MAP3K9: variants seen among roughly 807,000 people sequenced by gnomAD.
MAP3K9 encodes mixed lineage kinase 1 (tyr and ser/thr specificity).
MAP3K9 carries 46 observed loss-of-function variants against 95.8 expected under a neutral mutation model. That is an observed-to-expected ratio of 0.48 (90% CI 0.38 to 0.61). The LOEUF (loss-of-function observed/expected upper bound fraction) is 0.61. MAP3K9 is among the 20% of genes least tolerant of loss of function. The pLI is 0.00. For missense variants in MAP3K9, 1,296 were observed against 1,474.3 expected, an observed-to-expected ratio of 0.88 and a Z score of 1.98; for synonymous variants, 533 against 593.8, an observed-to-expected ratio of 0.90 and a Z score of 1.49.
At chr14:70,745,394 C>G (rs1391436508) in intron 5 of MAP3K9, among the ~76,000 whole-genome samples, 1 of 152,170 alleles carries the variant, frequency 6.6e-6, no homozygotes, top group Non-Finnish European at 1.5e-5. Flanking sequence ...TATAAACTCT[C>G]CATTCAGCTT....
At position 70,742,564 on chromosome 14, in the gene MAP3K9, T is replaced by A; in HGVS notation, c.1354A>T (p.Thr452Ser). 6.2e-7 allele frequency: 1 copy of A among 1,614,120 alleles called. No homozygotes were observed. The highest frequency in any genetic ancestry group is 8.5e-7 in the Non-Finnish European group (1 of 1,180,010). Residue 452 changes from threonine to serine, a missense_variant, in exon 6 of 12, where the codon ACG becomes TCG. Thr to Ser is a moderately conservative substitution (Grantham distance 58). Coordinates refer to ENST00000554752, the MANE Select transcript of MAP3K9 (RefSeq NM_001284230.2). ...TTCTTCTGCTGCAGTGCAGCCCGCG[T>A]CAGCTCCTCCTCCCAGGTGCGAAGT... ...KELRTWEEEL[T>S]RAALQQKNQE... is the part of the protein sequence containing the mutation.
intron 3 of MAP3K9, among the ~76,000 whole-genome samples, chr14:70,760,019 G>A (rs1219736284): frequency 6.6e-6 from 1 of 151,576 alleles, no homozygotes; most frequent in Non-Finnish European, 1.5e-5. Flanking sequence ...CCCTCCCAAA[G>A]TCCTGGGATT....
chr14:70,789,942 A>T (rs1322539919), intron 2 of MAP3K9, among the ~76,000 whole-genome samples: 2 of 152,206 alleles, frequency 1.3e-5, no homozygotes, highest in East Asian at 3.8e-4. Context: ...CACCTGGAAA[A>T]GCCCTATGTT....
intron 3 of MAP3K9, among the ~76,000 whole-genome samples, chr14:70,755,749 G>A (rs1311485788): frequency 6.6e-6 from 1 of 152,192 alleles, no homozygotes; most frequent in East Asian, 1.9e-4. Flanking sequence ...GTGCTTTGAA[G>A]GAAATCCTGC....
intron 2 of MAP3K9, among the ~76,000 whole-genome samples, chr14:70,788,370 G>T (rs1473382035): frequency 6.6e-6 from 1 of 152,176 alleles, no homozygotes; most frequent in Non-Finnish European, 1.5e-5. Flanking sequence ...TGCTTATTAC[G>T]TGCCAGGCAC....
rs572010694 is a variant in MAP3K9, at chr14:70,794,990, C to CTTTTTTTTTTTTTTTTTTT, written c.820+5658_820+5676dup. Among the ~76,000 whole-genome samples, 11 of 76,812 alleles carry CTTTTTTTTTTTTTTTTTTT rather than the reference C, an allele frequency of 1.4e-4. 1 individual carries two copies. Among genetic ancestry groups the CTTTTTTTTTTTTTTTTTTT allele is most frequent in the African/African-American group, 2.7e-4 (5 of 18,864 alleles). 50.4% of individuals were successfully genotyped at this position (76,812 alleles called of 152,430 possible). A position where few individuals can be genotyped will look rare whatever the true frequency, so the allele number is the denominator to read the frequency against. ...CCGTGACCAGCCTCTTTTTCTTTTCCTTTTTTTTTTTTTTTTTTTTTGAGA... is the reference window on the plus strand; with the variant it reads ...CCGTGACCAGCCTCTTTTTCTTTTCCTTTTTTTTTTTTTTTTTTTTTTTTTTTTTTTTTTTTTTTTGAGA... On this transcript the variant is annotated intron_variant, in intron 2 of 11. Transcript: ENST00000554752.
At chr14:70,798,103 G>C (rs929007010) in intron 2 of MAP3K9, among the ~76,000 whole-genome samples, 2 of 152,180 alleles carry the variant, frequency 1.3e-5, no homozygotes, top group Admixed American at 6.5e-5. Flanking sequence ...CTGAATAACA[G>C]AATGACACTC....
chr14:70,742,806 A>G (rs2054092000), intron 5 of MAP3K9, among the ~76,000 whole-genome samples: 1 of 151,992 alleles, frequency 6.6e-6, no homozygotes, highest in Admixed American at 6.6e-5. Context: ...TACTGACGGG[A>G]CAGTCAGAGA....
intron 3 of MAP3K9, among the ~76,000 whole-genome samples, chr14:70,750,504 G>T (rs8014356): frequency 0.51 from 77,455 of 151,962 alleles, 19,897 homozygotes; most frequent in South Asian, 0.62. Flanking sequence ...GTTTGTTTTG[G>T]GATGGAGTTT....
At chr14:70,748,065 C>A (rs2054173362) in intron 5 of MAP3K9, among the ~76,000 whole-genome samples, 1 of 148,556 alleles carries the variant, frequency 6.7e-6, no homozygotes, top group African/African-American at 2.5e-5. Flanking sequence ...TGAGATCGTG[C>A]CACTGCACTT....
At position 70,742,461 on chromosome 14, in the gene MAP3K9, A is replaced by T; in HGVS notation, c.1457T>A (p.Ile486Asn). The T allele has an allele frequency of 6.2e-7, 1 of 1,614,144 alleles. No homozygotes were observed. The highest frequency in any genetic ancestry group is 8.5e-7 in the Non-Finnish European group (1 of 1,180,026). The part of the protein sequence containing the change: ...EIDILERELN[I>N]IIHQLCQEKP... ...CTCCTGGCACAGCTGGTGGATGATG[A>T]TGTTGAGCTCCCGTTCCAGGATGTC... Residue 486 changes from isoleucine to asparagine, a missense_variant, in exon 6 of 12, where the codon ATC becomes AAC. Coordinates refer to ENST00000554752, the MANE Select transcript of MAP3K9 (RefSeq NM_001284230.2).
intron 3 of MAP3K9, among the ~76,000 whole-genome samples, chr14:70,758,547 G>A (rs797008588): frequency 3.3e-5 from 5 of 152,126 alleles, no homozygotes; most frequent in African/African-American, 1.2e-4. Context: ...CCACTCCTAG[G>A]GATAGACCCA....
rs1196993417 is a variant in MAP3K9, at chr14:70,727,164, T to C, written c.*3216A>G. 6.6e-6 allele frequency: 1 copy of C among 152,198 alleles called. No homozygotes were observed. The highest frequency in any genetic ancestry group is 2.4e-5 in the African/African-American group (1 of 41,450). 9.4% of individuals were successfully genotyped at this position (152,198 alleles called of 1,614,324 possible). ...TCAGGAGGAAAAGTTAGCACTATTC[T>C]GAGTTGTCCAGATGTAAGATATCAT... is the stretch of plus-strand genomic sequence containing the variant. On this transcript the variant is annotated 3_prime_UTR_variant, in exon 12 of 12. Coordinates refer to ENST00000554752, the MANE Select transcript of MAP3K9 (RefSeq NM_001284230.2).
intron 3 of MAP3K9, among the ~76,000 whole-genome samples, chr14:70,758,015 A>C (rs368878630): frequency 6.6e-6 from 1 of 152,190 alleles, no homozygotes; most frequent in Non-Finnish European, 1.5e-5. Flanking sequence ...TAGATATGAC[A>C]CCAAAAGCAC....
intron 1 of MAP3K9, among the ~76,000 whole-genome samples, chr14:70,803,179 A>G (rs1439781435): frequency 6.6e-6 from 1 of 152,034 alleles, no homozygotes; most frequent in African/African-American, 2.4e-5. Flanking sequence ...ACCAGAGCCA[A>G]GCAGATGCTG....
chr14:70,789,082 G>A (rs1181409272), intron 2 of MAP3K9, among the ~76,000 whole-genome samples: 2 of 152,224 alleles, frequency 1.3e-5, no homozygotes, highest in African/African-American at 4.8e-5. Context: ...CTGGCCAGCT[G>A]TCCCATTCAA....
intron 6 of MAP3K9, among the ~76,000 whole-genome samples, chr14:70,740,589 C>T (rs1323915609): frequency 6.6e-6 from 1 of 152,176 alleles, no homozygotes; most frequent in Non-Finnish European, 1.5e-5. Flanking sequence ...ATTCTTCTCA[C>T]TAAGTGCAGG....
chr14:70,793,502 C>G (rs942454270), intron 2 of MAP3K9, among the ~76,000 whole-genome samples: 1 of 152,036 alleles, frequency 6.6e-6, no homozygotes, highest in East Asian at 1.9e-4. Flanking sequence ...GCCTGGGCAA[C>G]ACGGCGAGAC....
intron 3 of MAP3K9, among the ~76,000 whole-genome samples, chr14:70,753,460 A>C (rs773402444): frequency 6.6e-6 from 1 of 152,208 alleles, no homozygotes; most frequent in East Asian, 1.9e-4. Flanking sequence ...TGTTGGTGGG[A>C]AAAAAGACTG....
Sources: allele counts gnomAD v4.1 joint callset (sites outside exome capture counted in the v4.1 genomes callset), GRCh38; gene constraint gnomAD v4.1.1; transcripts MANE v1.5; gene names NCBI Gene and HGNC (gene_info 2026-07-23, HGNC 2026-07-21).